Variants in ADGRL2 observed in about 807,000 individuals in gnomAD.
ADGRL2 encodes adhesion G protein-coupled receptor L2, also known as calcium-independent alpha-latrotoxin receptor 2.
In ADGRL2, 44 loss-of-function variants were observed where a neutral mutation model predicts 157.4. That is an observed-to-expected ratio of 0.28 (90% CI 0.22 to 0.36). The LOEUF is 0.36. Among genes scored for constraint, ADGRL2 ranks in the 10% least tolerant of loss-of-function variants. The probability of loss-of-function intolerance (pLI) is 1.00; values close to 1 mark genes in which losing one functional copy is unlikely to be tolerated. For missense variants in ADGRL2, 1,510 were observed against 1,768.9 expected, an observed-to-expected ratio of 0.85 and a Z score of 2.63; for synonymous variants, 585 against 624.7, an observed-to-expected ratio of 0.94 and a Z score of 0.95.
At chr1:81,692,603 A>G (rs2083364709) in intron 3 of ADGRL2, among the ~76,000 whole-genome samples, 9 of 152,222 alleles carry the variant, frequency 5.9e-5, no homozygotes, top group Admixed American at 5.9e-4. Flanking sequence ...AACAATAAAA[A>G]TTATACATAA....
At chr1:81,831,484 G>T (rs1170253283) in intron 1 of ADGRL2, among the ~76,000 whole-genome samples, 1 of 152,082 alleles carries the variant, frequency 6.6e-6, no homozygotes, top group Non-Finnish European at 1.5e-5. Context: ...TAAAGGAAAA[G>T]ATAGTAAAAT....
At chr1:81,661,780 A>G (rs1426622677) in intron 3 of ADGRL2, among the ~76,000 whole-genome samples, 1 of 152,176 alleles carries the variant, frequency 6.6e-6, no homozygotes, top group Non-Finnish European at 1.5e-5. Flanking sequence ...TTTTGACAAT[A>G]AATCATAGGG....
At chr1:81,922,556 A>C (rs1167361318) in intron 3 of ADGRL2, among the ~76,000 whole-genome samples, 1 of 152,208 alleles carries the variant, frequency 6.6e-6, no homozygotes, top group African/African-American at 2.4e-5. Flanking sequence ...AGTAAGGTAC[A>C]GTTTGATATT....
chr1:81,622,426 CA>C (rs1235463980), intron 3 of ADGRL2, among the ~76,000 whole-genome samples: 1 of 151,970 alleles, frequency 6.6e-6, no homozygotes, highest in East Asian at 1.9e-4. Context: ...ACTAAAAATA[CA>C]AAAATTAGCT....
intron 2 of ADGRL2, among the ~76,000 whole-genome samples, chr1:81,523,633 C>A (rs894096719): frequency 6.6e-6 from 1 of 152,112 alleles, no homozygotes; most frequent in Non-Finnish European, 1.5e-5. Flanking sequence ...ATCGAAATCA[C>A]CCAAACTTTT....
In ADGRL2 at chr1:81,943,043, G is replaced by A. The variant is rs1398337913; in HGVS notation, c.484G>A (p.Ala162Thr). Residue 162 changes from alanine (A) to threonine (T), a missense_variant, in exon 6 of 24, where the codon GCT becomes ACT. By Grantham distance (58) the Ala-to-Thr change is moderately conservative. Coordinates refer to ENST00000686636, the MANE Select transcript of ADGRL2 (RefSeq NM_001366006.2). The surrounding 1 kb of genome is among the most constrained non-coding windows in gnomAD (Gnocchi z 5.6). ...ATATGAAGCTGAACAAAAGGCGGGT[G>A]CTTGGTGCAAGGACCCTCTTCAGGC... The part of the protein sequence containing the change: ...CIYEAEQKAG[A>T]WCKDPLQAAD... 1.2e-6 allele frequency: 2 copies of A among 1,613,238 alleles called. No homozygotes were observed. The highest frequency in any genetic ancestry group is 1.1e-5 in the South Asian group (1 of 91,078).
intron 2 of ADGRL2, among the ~76,000 whole-genome samples, chr1:81,462,487 C>CAGGG (rs1443464502): frequency 5.3e-5 from 8 of 151,564 alleles, no homozygotes; most frequent in Non-Finnish European, 8.8e-5. Context: ...CTGGACACAT[C>CAGGG]AGGGAGGGAG....
chr1:81,964,388 C>T (rs536476563), intron 11 of ADGRL2, among the ~76,000 whole-genome samples: 39 of 152,132 alleles, frequency 2.6e-4, no homozygotes, highest in Middle Eastern at 6.8e-3. Context: ...TCCTCCCTGC[C>T]GCCCACACAG....
At chr1:81,346,506 G>A (rs995546522) in intron 1 of ADGRL2, among the ~76,000 whole-genome samples, 5 of 152,152 alleles carry the variant, frequency 3.3e-5, no homozygotes, top group Non-Finnish European at 5.9e-5. Flanking sequence ...GCATGTGACT[G>A]TACCTGGAGA....
chr1:81,610,281 G>A (rs566164662), intron 3 of ADGRL2, among the ~76,000 whole-genome samples: 8 of 143,718 alleles, frequency 5.6e-5, no homozygotes, highest in African/African-American at 1.0e-4. Flanking sequence ...GTGGGACAGC[G>A]ATACCTAAAG....
At chr1:81,463,562 G>A (rs1404990382) in intron 2 of ADGRL2, among the ~76,000 whole-genome samples, 2 of 152,142 alleles carry the variant, frequency 1.3e-5, no homozygotes, top group East Asian at 3.8e-4. Context: ...ATGAAAAGGA[G>A]GTTTTCCTCT....
intron 2 of ADGRL2, among the ~76,000 whole-genome samples, chr1:81,904,245 A>G (rs963184253): frequency 5.3e-5 from 8 of 152,190 alleles, no homozygotes; most frequent in African/African-American, 1.9e-4. Flanking sequence ...GCACTGTATC[A>G]CATGTTAATA....
At chr1:81,398,044 G>A (rs1309666110) in intron 1 of ADGRL2, among the ~76,000 whole-genome samples, 1 of 152,012 alleles carries the variant, frequency 6.6e-6, no homozygotes, top group African/African-American at 2.4e-5. Flanking sequence ...CTTGCTGAAT[G>A]GATCCCTTTA....
At chr1:81,471,340 C>T (rs897711396) in intron 2 of ADGRL2, among the ~76,000 whole-genome samples, 1 of 152,006 alleles carries the variant, frequency 6.6e-6, no homozygotes, top group Non-Finnish European at 1.5e-5. Context: ...ATTATGTATA[C>T]TTTGCCCATT....
intron 3 of ADGRL2, among the ~76,000 whole-genome samples, chr1:81,916,360 C>G (rs936507945): frequency 6.6e-6 from 1 of 151,998 alleles, no homozygotes; most frequent in Non-Finnish European, 1.5e-5. Context: ...AAAAGTTATA[C>G]TTTGAACAGA....
At chr1:81,528,718 C>A (rs1445773831) in intron 2 of ADGRL2, among the ~76,000 whole-genome samples, 3 of 150,488 alleles carry the variant, frequency 2.0e-5, no homozygotes, top group Admixed American at 6.6e-5. Flanking sequence ...GTCTGAACAC[C>A]TGGAATATTT....
intron 2 of ADGRL2, among the ~76,000 whole-genome samples, chr1:81,463,745 T>C (rs944589951): frequency 6.6e-6 from 1 of 152,212 alleles, no homozygotes; most frequent in African/African-American, 2.4e-5. Flanking sequence ...AACTACTTAC[T>C]TCACAAGGTC....
intron 1 of ADGRL2, among the ~76,000 whole-genome samples, chr1:81,347,297 A>G (rs1662549956): frequency 6.6e-6 from 1 of 152,086 alleles, no homozygotes; most frequent in Admixed American, 6.6e-5. Context: ...GCTACTCAGG[A>G]GGCTGAGGCA....
intron 1 of ADGRL2, among the ~76,000 whole-genome samples, chr1:81,350,813 T>A (rs959364179): frequency 1.3e-5 from 2 of 152,154 alleles, no homozygotes; most frequent in Non-Finnish European, 2.9e-5. Flanking sequence ...TTAGACAATG[T>A]GACTTGCATG....
Sources: gnomAD v4.1 joint callset for allele counts (sites outside exome capture counted in the v4.1 genomes callset) on GRCh38, gnomAD v4.1.1 for gene constraint, Gnocchi (gnomAD v3.1) non-coding constraint, MANE v1.5 for transcripts, NCBI Gene and HGNC (gene_info 2026-07-23, HGNC 2026-07-21) for gene names.